PPL: variants seen among roughly 807,000 people sequenced by gnomAD.
PPL encodes the protein 190 kDa paraneoplastic pemphigus antigen.
In PPL, 198 loss-of-function variants were observed where a neutral mutation model predicts 194.4. That is an observed-to-expected ratio of 1.02 (90% confidence interval 0.91 to 1.15). PPL has a LOEUF of 1.15. PPL is among the 50% of genes most tolerant of loss of function. PPL has a pLI of 0.00. For synonymous variants in PPL, 1,220 were observed against 972.4 expected (o/e 1.25, Z -4.74); for missense variants, 2,885 against 2,294.8 (o/e 1.26, Z -5.25).
At chr16:4,891,651 A>C in intron 16 of PPL, 160 bp downstream of exon 16, 2 of 855,050 alleles carry the variant, frequency 2.3e-6, no homozygotes, top group Admixed American at 2.7e-5. Context: ...AATAGCTTGG[A>C]TTTGTGCTGT....
intron 19 of PPL, 126 bp downstream of exon 19, chr16:4,888,852 G>T (rs190079282): frequency 1.1e-6 from 1 of 877,960 alleles, no homozygotes; most frequent in Non-Finnish European, 1.9e-6. Context: ...CACAGCAGCC[G>T]GCAGTGCCTC....
chr16:4,913,033 G>A (rs2088850933), intron 1 of PPL, among the ~76,000 whole-genome samples: 1 of 152,112 alleles, frequency 6.6e-6, no homozygotes. Context: ...GAACCTGGGA[G>A]GTGGAGGTGG....
chr16:4,901,187 C>G (rs78570118), intron 4 of PPL, 98 bp from the exon 5 acceptor site: 34 of 1,357,010 alleles, frequency 2.5e-5, no homozygotes, highest in Non-Finnish European at 3.3e-5. Context: ...TGATGGTGCT[C>G]TCTTTTTCAC....
At chr16:4,919,464 A>G (rs945950610) in intron 1 of PPL, among the ~76,000 whole-genome samples, 5 of 152,128 alleles carry the variant, frequency 3.3e-5, no homozygotes, top group African/African-American at 9.7e-5. Context: ...GTTTCTCACT[A>G]TGTTGACCAG....
intron 19 of PPL, 77 bp downstream of exon 19, chr16:4,888,899 GCT>G: frequency 7.1e-7 from 1 of 1,409,610 alleles, no homozygotes; most frequent in East Asian, 2.3e-5. Context: ...CAGGGCCGGT[GCT>G]TGCTGCTTCT....
At chr16:4,891,078 G>T (rs1325544304) in intron 16 of PPL, among the ~76,000 whole-genome samples, 157 bp from the exon 17 acceptor site, 2 of 152,252 alleles carry the variant, frequency 1.3e-5, no homozygotes, top group Non-Finnish European at 2.9e-5. Context: ...CCAAACCTGG[G>T]TCACTTCTGC....
In PPL at chr16:4,914,905, G is replaced by A. The variant is rs374544259; in HGVS notation, c.63-3956C>T. Among the ~76,000 whole-genome samples, 43 of 152,302 alleles carry A rather than the reference G, an allele frequency of 2.8e-4. 1 individual carries two copies. In the East Asian group the frequency reaches 8.1e-3, roughly 29 times the overall value. ...GTTGGGCAGGCCACATGGAGAATGT[G>A]AGTTTCTGGGCCCCCACACTCCCAC... On this transcript the variant is annotated intron_variant, in intron 1 of 21. Transcript: ENST00000345988.
chr16:4,889,229 T>TTTTG (rs1555519100), intron 18 of PPL, among the ~76,000 whole-genome samples, 168 bp from the exon 19 acceptor site: 1 of 93,452 alleles, frequency 1.1e-5, no homozygotes, highest in Non-Finnish European at 2.2e-5. Context: ...AGGCAGTTTT[T>TTTTG]TTGTTGTTGT....
chr16:4,894,505 G>A lies in PPL; in HGVS notation c.1356C>T (p.Ile452=), dbSNP rs1237699606. Residue 452 remains isoleucine, a synonymous_variant, in exon 12 of 22, where the codon ATC becomes ATT. Transcript: ENST00000345988. ...KLIAPAVCFV[I]PPTDPEALAL... ...CCAGGGCCTCAGGGTCTGTGGGGGG[G>A]ATCACAAAACACACGGCCGGAGCAA... The A allele has an allele frequency of 6.2e-7, 1 of 1,613,930 alleles. No individual in the cohort carries two copies. Among genetic ancestry groups the A allele is most frequent in the East Asian group, 2.2e-5 (1 of 44,876 alleles).
chr16:4,900,732 CTA>C, intron 6 of PPL, 96 bp downstream of exon 6: 5 of 1,536,516 alleles, frequency 3.3e-6, no homozygotes, highest in Non-Finnish European at 4.5e-6. Flanking sequence ...GCCCAGCTGC[CTA>C]TGTCATTTTT....
chr16:4,893,646 G>A lies in PPL; in HGVS notation c.1395-8C>T, dbSNP rs1380263227. 2 of 1,575,304 alleles carry A rather than the reference G, an allele frequency of 1.3e-6. No individual in the cohort carries two copies. Among genetic ancestry groups the A allele is most frequent in the Non-Finnish European group, 8.6e-7 (1 of 1,164,892 alleles). On this transcript the variant is annotated splice_region_variant and splice_polypyrimidine_tract_variant and intron_variant, in intron 12 of 21. Transcript: ENST00000345988. ...CGGTACTGGCTGCCCAGGCTGTGAG[G>A]ACAGAAATGAGCTGGGAACCTGGGC...
intron 1 of PPL, among the ~76,000 whole-genome samples, chr16:4,911,585 G>C (rs1389554624): frequency 6.6e-6 from 1 of 151,946 alleles, no homozygotes; most frequent in Non-Finnish European, 1.5e-5. Flanking sequence ...CCCAGGCTGG[G>C]GTGTAGCGGC....
chr16:4,908,053 T>C (rs1382986253), intron 2 of PPL, among the ~76,000 whole-genome samples: 1 of 151,164 alleles, frequency 6.6e-6, no homozygotes, highest in Non-Finnish European at 1.5e-5. Context: ...TCCCAGCTAC[T>C]TGGGAGGCTG....
Position 4,884,171 on chromosome 16 carries a change from A to T in PPL, c.4484T>A (p.Val1495Asp). The T allele has an allele frequency of 6.2e-7, 1 of 1,610,316 alleles. No homozygotes were observed. The highest frequency in any genetic ancestry group is 8.5e-7 in the Non-Finnish European group (1 of 1,178,910). Residue 1495 changes from valine (V) to aspartate (D), a missense_variant, in exon 22 of 22, where the codon GTC (valine) becomes GAC (aspartate). Coordinates refer to ENST00000345988, the MANE Select transcript of PPL (RefSeq NM_002705.5). The surrounding 1 kb of genome is among the most constrained non-coding windows in gnomAD (Gnocchi z 5.7). ...CTCGGAGAGCACCACCTTCTCCTTG[A>T]CCTCCGCCTTCTCCAGTGCAGCCAG... is the stretch of plus-strand genomic sequence containing the variant. ...RKLAALEKAE[V>D]KEKVVLSESV...
intron 1 of PPL, among the ~76,000 whole-genome samples, chr16:4,921,810 G>A (rs1204553728): frequency 4.6e-5 from 7 of 152,130 alleles, no homozygotes; most frequent in African/African-American, 1.4e-4. Flanking sequence ...AGGACCCAGT[G>A]GCTCAGTAAG....
Position 4,884,483 on chromosome 16 carries a change from C to T in PPL, c.4172G>A (p.Arg1391Gln), listed in dbSNP as rs573477337. The change falls in exon 22 of 22, where the codon CGG becomes CAG. Residue 1391 changes from arginine (R) to glutamine (Q), a missense_variant. By Grantham distance (43) the Arg-to-Gln change is conservative. Transcript: ENST00000345988. This position sits in a 1 kb window ranked among gnomAD's most constrained non-coding sequence, Gnocchi z 5.7. Reference sequence around the variant, plus strand: ...AAGCTCGGTGCGCCGGCGCTGCAGCCGCCGCAGCTCTGCCCGCAGCTTGTC... The same window carrying T: ...AAGCTCGGTGCGCCGGCGCTGCAGCTGCCGCAGCTCTGCCCGCAGCTTGTC... ...QIDKLRAELR[R>Q]LQRRRTELER... The T allele has an allele frequency of 2.8e-5, 45 of 1,603,586 alleles. No homozygotes were observed. Among genetic ancestry groups the T allele is most frequent in the Admixed American group, 1.4e-4 (8 of 57,142 alleles).
chr16:4,930,081 T>C (rs1455531377), intron 1 of PPL, among the ~76,000 whole-genome samples: 1 of 152,226 alleles, frequency 6.6e-6, no homozygotes, highest in Non-Finnish European at 1.5e-5. Flanking sequence ...GCAAGCATCA[T>C]CTTTGCATCC....
chr16:4,897,870 G>C (rs1828837245), intron 8 of PPL, 100 bp from the exon 9 acceptor site: 1 of 869,008 alleles, frequency 1.2e-6, no homozygotes, highest in Non-Finnish European at 1.8e-6. Flanking sequence ...GGGGGAGGGA[G>C]GCATCTGGCA....
Position 4,924,213 on chromosome 16 carries a change from C to G in PPL, c.62+12771G>C, listed in dbSNP as rs114032531. On this transcript the variant is annotated intron_variant, in intron 1 of 21. Transcript: ENST00000345988. Reference sequence around the variant, plus strand: ...TAAGAAGAAATGAGCGAATTTTTTTCTATTTTATTTAACCTAATATATCCA... The same window carrying G: ...TAAGAAGAAATGAGCGAATTTTTTTGTATTTTATTTAACCTAATATATCCA... Among the ~76,000 whole-genome samples the G allele has an allele frequency of 6.6e-3, 1,004 of 152,260 alleles. 5 individuals carry two copies. Among genetic ancestry groups the G allele is most frequent in the African/African-American group, 0.023 (951 of 41,540 alleles).
Sources: gnomAD v4.1 joint callset for allele counts (sites outside exome capture counted in the v4.1 genomes callset) on GRCh38, gnomAD v4.1.1 for gene constraint, Gnocchi (gnomAD v3.1) non-coding constraint, MANE v1.5 for transcripts, NCBI Gene and HGNC (gene_info 2026-07-23, HGNC 2026-07-21) for gene names.